Variants in NEDD9 observed in about 807,000 individuals in gnomAD.
NEDD9 encodes the protein neural precursor cell expressed, developmentally down-regulated 9.
Under a neutral mutation model 76.6 loss-of-function variants are expected in NEDD9, and 26 were observed. The observed-to-expected ratio is 0.34, with a 90% confidence interval of 0.25 to 0.47. NEDD9 has a LOEUF of 0.47. Among genes scored for constraint, NEDD9 ranks in the 20% least tolerant of loss-of-function variants. The probability of loss-of-function intolerance (pLI) is 1.00; values close to 1 mark genes in which losing one functional copy is unlikely to be tolerated. For synonymous variants in NEDD9, 392 were observed against 414.2 expected (o/e 0.95, Z 0.65); for missense variants, 937 against 1,058.5 (o/e 0.89, Z 1.59).
At chr6:11,334,938 T>G (rs1349230049) in intron 1 of NEDD9, among the ~76,000 whole-genome samples, 1 of 151,962 alleles carries the variant, frequency 6.6e-6, no homozygotes, top group African/African-American at 2.4e-5. Flanking sequence ...AGATGAGGAG[T>G]GTGGCGGCCA....
At chr6:11,218,986 C>T (rs1307927675) in intron 1 of NEDD9, among the ~76,000 whole-genome samples, 2 of 152,222 alleles carry the variant, frequency 1.3e-5, no homozygotes, top group Non-Finnish European at 2.9e-5. Flanking sequence ...AAGAGCCTTT[C>T]TCCCTTCAGT....
chr6:11,192,469 C>A (rs201549237), intron 3 of NEDD9, 23 bp from the exon 4 acceptor site: 2 of 1,554,260 alleles, frequency 1.3e-6, no homozygotes, highest in Non-Finnish European at 1.8e-6. Context: ...CCGTGAGTTA[C>A]CCAGAATGGA....
chr6:11,255,537 A>G (rs6457202), intron 3 of NEDD9, among the ~76,000 whole-genome samples: 84,374 of 151,344 alleles, frequency 0.56, 23,918 homozygotes, highest in East Asian at 0.81. Flanking sequence ...GAGAAGATCT[A>G]AGGTAGCTGA....
chr6:11,230,876 C>T (rs191030975), intron 1 of NEDD9, among the ~76,000 whole-genome samples: 32 of 152,312 alleles, frequency 2.1e-4, no homozygotes, highest in Admixed American at 1.8e-3. Context: ...GTAAAGCTAA[C>T]CACGATGAGA....
At chr6:11,273,873 C>T (rs1413931471) in intron 3 of NEDD9, among the ~76,000 whole-genome samples, 3 of 151,900 alleles carry the variant, frequency 2.0e-5, no homozygotes, top group Non-Finnish European at 2.9e-5. Flanking sequence ...ACTCTGACCT[C>T]TTTTTATAGG....
chr6:11,231,890 T>TC (rs1221798729), intron 1 of NEDD9, among the ~76,000 whole-genome samples: 1 of 152,010 alleles, frequency 6.6e-6, no homozygotes, highest in Non-Finnish European at 1.5e-5. Context: ...CCATTCAAAC[T>TC]CCAATAAAAA....
At chr6:11,217,473 G>A (rs772449490) in intron 1 of NEDD9, among the ~76,000 whole-genome samples, 2 of 152,220 alleles carry the variant, frequency 1.3e-5, no homozygotes, top group Non-Finnish European at 2.9e-5. Context: ...AGAGATAAGA[G>A]AGCTATGTAA....
At chr6:11,301,930 A>G (rs1253570458) in intron 3 of NEDD9, among the ~76,000 whole-genome samples, 1 of 152,228 alleles carries the variant, frequency 6.6e-6, no homozygotes, top group East Asian at 1.9e-4. Context: ...TCTAAAATCG[A>G]CACTCTAACA....
intron 3 of NEDD9, among the ~76,000 whole-genome samples, chr6:11,264,506 A>T (rs1760170637): frequency 6.6e-6 from 1 of 152,248 alleles, no homozygotes; most frequent in South Asian, 2.1e-4. Flanking sequence ...TTTAGGAACG[A>T]ATCAAACCTC....
intron 3 of NEDD9, among the ~76,000 whole-genome samples, chr6:11,272,324 AGTACAAGAT>A (rs1760325883): frequency 6.6e-6 from 1 of 152,200 alleles, no homozygotes; most frequent in South Asian, 2.1e-4. Flanking sequence ...GGGGCGACTC[AGTACAAGAT>A]GTAGAATTCA....
intron 3 of NEDD9, among the ~76,000 whole-genome samples, chr6:11,274,466 C>T (rs1312666962): frequency 6.6e-6 from 1 of 152,186 alleles, no homozygotes; most frequent in African/African-American, 2.4e-5. Flanking sequence ...CTCACAAGCA[C>T]CCCTAGGTCT....
At chr6:11,187,096 T>C (rs1056354881) in intron 6 of NEDD9, among the ~76,000 whole-genome samples, 3 of 151,962 alleles carry the variant, frequency 2.0e-5, no homozygotes, top group African/African-American at 7.3e-5. Flanking sequence ...TTAGGCTTTA[T>C]GCAAATATGT....
intron 1 of NEDD9, among the ~76,000 whole-genome samples, chr6:11,363,347 T>A (rs1040574561): frequency 1.3e-5 from 2 of 152,058 alleles, no homozygotes; most frequent in Non-Finnish European, 2.9e-5. Flanking sequence ...CTAAAAATGG[T>A]TTACAATGGG....
At chr6:11,319,613 A>G (rs1051786254) in intron 2 of NEDD9, among the ~76,000 whole-genome samples, 2 of 98,974 alleles carry the variant, frequency 2.0e-5, no homozygotes, top group African/African-American at 8.4e-5. Context: ...ATGCACACTC[A>G]CACTCACACA....
intron 2 of NEDD9, among the ~76,000 whole-genome samples, chr6:11,330,018 T>A (rs115262431): frequency 0.017 from 2,624 of 152,326 alleles, 61 homozygotes; most frequent in African/African-American, 0.058. Flanking sequence ...TGCTGTCCGA[T>A]GTGGGAGCTA....
intron 3 of NEDD9, among the ~76,000 whole-genome samples, chr6:11,250,249 G>A (rs925335892): frequency 2.0e-5 from 3 of 152,212 alleles, no homozygotes; most frequent in Non-Finnish European, 2.9e-5. Context: ...AATTTTGTGA[G>A]ATGCTGGCCC....
At chr6:11,225,052 T>C (rs1317552110) in intron 1 of NEDD9, among the ~76,000 whole-genome samples, 12 of 152,222 alleles carry the variant, frequency 7.9e-5, no homozygotes, top group Admixed American at 7.8e-4. Flanking sequence ...CGTGTTTTGG[T>C]TACTGCAACT....
chr6:11,240,674 G>A (rs1420978297), intron 3 of NEDD9, among the ~76,000 whole-genome samples: 2 of 152,062 alleles, frequency 1.3e-5, no homozygotes, highest in African/African-American at 2.4e-5. Flanking sequence ...ATTGAAAAAC[G>A]TTGACAGATT....
At chr6:11,379,656 T>A (rs1763027802) in intron 1 of NEDD9, among the ~76,000 whole-genome samples, 1 of 151,826 alleles carries the variant, frequency 6.6e-6, no homozygotes, top group Non-Finnish European at 1.5e-5. Flanking sequence ...TTTATACCAT[T>A]CCTACAAATT....
Sources: allele counts gnomAD v4.1 joint callset (sites outside exome capture counted in the v4.1 genomes callset), GRCh38; gene constraint gnomAD v4.1.1; transcripts MANE v1.5; gene names NCBI Gene and HGNC (gene_info 2026-07-23, HGNC 2026-07-21).